KCNT2: variants seen among roughly 807,000 people sequenced by gnomAD.
KCNT2 encodes potassium sodium-activated channel subfamily T member 2, also known as potassium channel subfamily T member 2.
In KCNT2, 67 loss-of-function variants were observed where a neutral mutation model predicts 153.8. The observed-to-expected ratio is 0.44, with a 90% CI of 0.36 to 0.53. The LOEUF is 0.53. Ranked by LOEUF, KCNT2 falls within the 20% of genes least tolerant of loss-of-function variation. KCNT2 has a pLI of 0.00. For missense variants in KCNT2, 975 were observed against 1,354.8 expected (o/e 0.72, Z 4.40); for synonymous variants, 500 against 458.8 (o/e 1.09, Z -1.15).
intron 14 of KCNT2, 77 bp from the exon 15 acceptor site, chr1:196,342,305 GA>G: frequency 7.7e-7 from 1 of 1,295,986 alleles, no homozygotes; most frequent in Non-Finnish European, 1.1e-6. Flanking sequence ...AGTTGTTATA[GA>G]ACTGTTTCTC....
chr1:196,449,211 T>A (rs978207765), intron 8 of KCNT2, among the ~76,000 whole-genome samples: 2 of 151,718 alleles, frequency 1.3e-5, no homozygotes, highest in African/African-American at 4.8e-5. Flanking sequence ...AAAGTGGTTT[T>A]CCACCTTCAC....
At chr1:196,236,845 T>A (rs1319378991) in intron 26 of KCNT2, among the ~76,000 whole-genome samples, 1 of 151,598 alleles carries the variant, frequency 6.6e-6, no homozygotes, top group East Asian at 1.9e-4. Context: ...GTGGTCTCAA[T>A]TTTTTAGATT....
chr1:196,317,066 T>G (rs918439538), intron 20 of KCNT2: 1 of 210,400 alleles, frequency 4.8e-6, no homozygotes, highest in Non-Finnish European at 1.0e-5. Context: ...CTTTTCCAAG[T>G]GCATGATTGG....
intron 27 of KCNT2, among the ~76,000 whole-genome samples, chr1:196,233,284 A>G (rs1654120393): frequency 1.3e-5 from 2 of 151,444 alleles, no homozygotes; most frequent in African/African-American, 4.8e-5. Flanking sequence ...TATTCTAACC[A>G]GTATTATCAG....
chr1:196,292,726 G>C (rs893532744), intron 22 of KCNT2, among the ~76,000 whole-genome samples: 8 of 149,030 alleles, frequency 5.4e-5, no homozygotes, highest in Non-Finnish European at 8.9e-5. Flanking sequence ...AGAATGGCGT[G>C]AACCCGGGAG....
chr1:196,277,431 T>C (rs549023239), intron 25 of KCNT2, among the ~76,000 whole-genome samples: 2 of 152,310 alleles, frequency 1.3e-5, no homozygotes, highest in South Asian at 4.1e-4. Flanking sequence ...GTACAGAATG[T>C]ATCTTTTAAC....
At chr1:196,556,722 G>A (rs1658718402) in intron 1 of KCNT2, among the ~76,000 whole-genome samples, 1 of 151,392 alleles carries the variant, frequency 6.6e-6, no homozygotes, top group Non-Finnish European at 1.5e-5. Flanking sequence ...AGATTTTGAA[G>A]CAACATAAGT....
chr1:196,516,865 G>A (rs560406835), intron 1 of KCNT2, among the ~76,000 whole-genome samples: 23 of 152,292 alleles, frequency 1.5e-4, no homozygotes, highest in African/African-American at 5.1e-4. Context: ...GACTAGAGCA[G>A]ACCCCCAGCA....
chr1:196,559,478 C>T (rs1257092142), intron 1 of KCNT2, among the ~76,000 whole-genome samples: 2 of 151,580 alleles, frequency 1.3e-5, no homozygotes, highest in Non-Finnish European at 3.0e-5. Flanking sequence ...AGGGTAGATT[C>T]CCAGAAGTGG....
intron 1 of KCNT2, among the ~76,000 whole-genome samples, chr1:196,548,293 A>T (rs1246208869): frequency 6.6e-6 from 1 of 152,048 alleles, no homozygotes; most frequent in Admixed American, 6.6e-5. Flanking sequence ...TCTACAATGA[A>T]CTCAAACAAA....
chr1:196,563,480 A>T (rs1558082451), intron 1 of KCNT2, among the ~76,000 whole-genome samples: 1 of 147,594 alleles, frequency 6.8e-6, no homozygotes, highest in Admixed American at 6.8e-5. Flanking sequence ...AACTTTTCAA[A>T]CTTCCAAAAA....
At chr1:196,354,736 A>G (rs1209079262) in intron 14 of KCNT2, among the ~76,000 whole-genome samples, 1 of 151,734 alleles carries the variant, frequency 6.6e-6, no homozygotes, top group Non-Finnish European at 1.5e-5. Flanking sequence ...TAAGTCACCA[A>G]AGGGTTTAAA....
intron 24 of KCNT2, among the ~76,000 whole-genome samples, chr1:196,281,455 C>T (rs887423565): frequency 2.0e-5 from 3 of 152,198 alleles, no homozygotes; most frequent in Middle Eastern, 3.4e-3. Context: ...TTACCAAATG[C>T]GAAGTGCAAA....
intron 14 of KCNT2, among the ~76,000 whole-genome samples, chr1:196,361,416 T>A (rs1667613322): frequency 6.6e-6 from 1 of 151,940 alleles, no homozygotes; most frequent in African/African-American, 2.4e-5. Flanking sequence ...AGCAGTTGGA[T>A]CCCAGGAGCC....
chr1:196,439,035 A>C (rs895303168), intron 8 of KCNT2, among the ~76,000 whole-genome samples: 9 of 151,880 alleles, frequency 5.9e-5, no homozygotes, highest in Admixed American at 6.6e-5. Flanking sequence ...TTTAGGAAGC[A>C]GATAAATCTC....
chr1:196,498,320 A>G (rs918986235), intron 1 of KCNT2, among the ~76,000 whole-genome samples: 3 of 152,140 alleles, frequency 2.0e-5, no homozygotes, highest in South Asian at 2.1e-4. Flanking sequence ...CCTATTTAGG[A>G]TATCAAACTT....
intron 2 of KCNT2, among the ~76,000 whole-genome samples, chr1:196,491,732 A>G (rs1679876216): frequency 6.6e-6 from 1 of 151,800 alleles, no homozygotes; most frequent in Non-Finnish European, 1.5e-5. Flanking sequence ...AATCACTGGG[A>G]TGTTAAACTC....
chr1:196,403,264 T>C (rs1185137378), intron 12 of KCNT2, among the ~76,000 whole-genome samples: 1 of 151,594 alleles, frequency 6.6e-6, no homozygotes, highest in African/African-American at 2.4e-5. Flanking sequence ...AGAAAAGACA[T>C]GCAAAACCTC....
chr1:196,387,165 C>G (rs999479675), intron 13 of KCNT2, among the ~76,000 whole-genome samples: 1 of 151,964 alleles, frequency 6.6e-6, no homozygotes, highest in African/African-American at 2.4e-5. Flanking sequence ...ACAAACCCAT[C>G]TTCTACCTAC....
Sources: gnomAD v4.1 joint callset for allele counts (sites outside exome capture counted in the v4.1 genomes callset) on GRCh38, gnomAD v4.1.1 for gene constraint, MANE v1.5 for transcripts, NCBI Gene and HGNC (gene_info 2026-07-23, HGNC 2026-07-21) for gene names.